TPM1: variants seen among roughly 807,000 people sequenced by gnomAD.
The protein encoded by TPM1 is tropomyosin 1.
Under a neutral mutation model 42.9 loss-of-function variants are expected in TPM1, and 24 were observed. That is an observed-to-expected ratio of 0.56 (90% CI 0.41 to 0.79). TPM1 has a LOEUF of 0.79. Among genes scored for constraint, TPM1 ranks in the 30% least tolerant of loss-of-function variants. TPM1 has a pLI of 0.00. For missense variants in TPM1, 158 were observed against 351.8 expected (o/e 0.45, Z 4.41); for synonymous variants, 136 against 130.1 (o/e 1.05, Z -0.31).
chr15:63,047,912 C>T, intron 2 of TPM1: 1 of 214,236 alleles, frequency 4.7e-6, no homozygotes, highest in Non-Finnish European at 9.5e-6. Flanking sequence ...GAGCCAGAGT[C>T]AACCTAGGAA....
rs1351763190 is a variant in TPM1 at position 63,048,401 on chromosome 15, T to C, written c.240+4249T>C. 5.2e-6 allele frequency: 7 copies of C among 1,355,350 alleles called. 1 individual carries two copies. In the South Asian group the frequency reaches 6.7e-5, roughly 13 times the overall value. The allele number at this position is 1,355,350 out of a possible 1,614,324, so 84.0% of individuals were successfully genotyped here. ...CGCCTGCGGTTTGTCTGCGCAGCCC[T>C]GGAGGCTGCGACTTCCGGACTGCTC... On this transcript the variant is annotated intron_variant, in intron 2 of 9. Transcript: ENST00000403994.
rs1595685590 is a variant in TPM1 at position 63,065,913 on chromosome 15, A to T, written c.*14A>T. The T allele has an allele frequency of 6.3e-7, 1 of 1,594,282 alleles. No individual in the cohort carries two copies. Among genetic ancestry groups the T allele is most frequent in the Non-Finnish European group, 8.5e-7 (1 of 1,176,028 alleles). ...TCACGCAGATAAGTTTCTTTGCTTC[A>T]CTTCTCCCAAGACTCCCTCGTCGAG... On this transcript the variant is annotated 3_prime_UTR_variant, in exon 10 of 10. Transcript: ENST00000403994.
At chr15:63,048,630 G>T in intron 2 of TPM1, 5 of 1,536,982 alleles carry the variant, frequency 3.3e-6, no homozygotes, top group Non-Finnish European at 4.4e-6. Flanking sequence ...GAGCCTGCAG[G>T]AGCAGGCGGA....
At chr15:63,043,243 A>C (rs2031568943) in intron 1 of TPM1, 2 of 514,834 alleles carry the variant, frequency 3.9e-6, no homozygotes, top group Non-Finnish European at 7.2e-6. Flanking sequence ...GGAGGAGGAC[A>C]CCCGGTTCCT....
chr15:63,058,311 A>G (rs915603407), intron 3 of TPM1, among the ~76,000 whole-genome samples: 2 of 152,168 alleles, frequency 1.3e-5, no homozygotes, highest in African/African-American at 4.8e-5. Flanking sequence ...TGAGAAAAGT[A>G]GGGCTCAGAG....
At chr15:63,043,535 C>T in intron 1 of TPM1, 3 of 1,091,890 alleles carry the variant, frequency 2.7e-6, no homozygotes, top group Admixed American at 2.0e-5. Flanking sequence ...GCGGGGTGAG[C>T]CGCGGAGCGG....
intron 2 of TPM1, among the ~76,000 whole-genome samples, chr15:63,054,985 A>C (rs1377172371): frequency 6.6e-5 from 10 of 152,062 alleles, no homozygotes; most frequent in Non-Finnish European, 1.2e-4. Flanking sequence ...TACCTGACCC[A>C]AAAGTATATC....
intron 9 of TPM1, chr15:63,065,661 T>C: frequency 2.0e-6 from 2 of 983,350 alleles, no homozygotes; most frequent in Non-Finnish European, 2.4e-6. Flanking sequence ...TTTTTTTGTT[T>C]TTAAATTCTG....
At chr15:63,043,030 C>G in intron 1 of TPM1, 87 bp downstream of exon 1, 1 of 1,221,762 alleles carries the variant, frequency 8.2e-7, no homozygotes, top group African/African-American at 1.5e-5. Flanking sequence ...CCCGAGGACT[C>G]GGGGAGCCAC....
At chr15:63,068,257 G>A (rs570688251), downstream of TPM1, among the ~76,000 whole-genome samples, 1 of 152,294 alleles carries the variant, frequency 6.6e-6, no homozygotes, top group Admixed American at 6.5e-5. Context: ...GCATCTGATG[G>A]GGAGATAGAG....
rs552212991 is a variant in TPM1 at position 63,042,958 on chromosome 15, G to T, written c.114+15G>T. The T allele has an allele frequency of 1.9e-6, 3 of 1,578,898 alleles. No individual in the cohort carries two copies. In the African/African-American group the frequency reaches 4.0e-5, roughly 21 times the overall value. ...GGAGCAAGCAGGTCTGCGCCTCCCC[G>T]GCCCTGCGCCCGCGCCCAGAGCGCC... On this transcript the variant is annotated intron_variant, in intron 1 of 9. Coordinates refer to ENST00000403994, the MANE Select transcript of TPM1 (RefSeq NM_001018005.2).
At chr15:63,066,882 C>A (rs138228379), downstream of TPM1, among the ~76,000 whole-genome samples, 1 of 121,982 alleles carries the variant, frequency 8.2e-6, no homozygotes, top group African/African-American at 3.1e-5. Flanking sequence ...TAAAATATAG[C>A]AATGAAAGTT....
chr15:63,062,161 C>T, intron 6 of TPM1, 54 bp from the exon 7 acceptor site: 1 of 1,528,922 alleles, frequency 6.5e-7, no homozygotes, highest in Non-Finnish European at 9.1e-7. Flanking sequence ...GCATGAGAAG[C>T]CATGAGTAGA....
In TPM1 at chr15:63,061,738, T is replaced by C. The variant is rs2140963629; in HGVS notation, c.589T>C (p.Leu197=). 7 of 1,614,132 alleles carry C rather than the reference T, an allele frequency of 4.3e-6. No individual in the cohort carries two copies. Among genetic ancestry groups the C allele is most frequent in the Non-Finnish European group, 5.1e-6 (6 of 1,180,010 alleles). ...CAAATGTGCCGAGCTTGAAGAAGAA[T>C]TGAAAACTGTGACGAACAACTTGAA... is the stretch of plus-strand genomic sequence containing the variant. ...EGKCAELEEE[L]KTVTNNLKSL... Residue 197 remains leucine, a synonymous_variant, in exon 6 of 10, where the codon TTG becomes CTG. Coordinates refer to ENST00000403994, the MANE Select transcript of TPM1 (RefSeq NM_001018005.2).
intron 9 of TPM1, chr15:63,065,059 C>T (rs867746621): frequency 1.4e-5 from 14 of 985,076 alleles, no homozygotes; most frequent in African/African-American, 7.0e-5. Context: ...AAAATACCCA[C>T]GATAAATATT....
chr15:63,066,318 A>T, downstream of TPM1: 1 of 575,048 alleles, frequency 1.7e-6, no homozygotes, highest in Non-Finnish European at 2.4e-6. Context: ...CAGAGTTCTG[A>T]TTTTCAAAGG....
At chr15:63,058,902 T>G (rs898360103) in intron 3 of TPM1, among the ~76,000 whole-genome samples, 1 of 152,154 alleles carries the variant, frequency 6.6e-6, no homozygotes, top group African/African-American at 2.4e-5. Flanking sequence ...ATACACTCAG[T>G]GTAGAGGACA....
chr15:63,045,032 GATTCC>G, intron 2 of TPM1: 1 of 152,132 alleles, frequency 6.6e-6, no homozygotes, highest in East Asian at 1.9e-4. Context: ...CACACCGTTG[GATTCC>G]ATTCTAAAAG....
intron 2 of TPM1, among the ~76,000 whole-genome samples, chr15:63,053,978 T>G (rs2034377636): frequency 1.3e-5 from 2 of 151,810 alleles, no homozygotes; most frequent in African/African-American, 4.8e-5. Flanking sequence ...AGCGCCCAGC[T>G]GAAAGTTTTT....
Sources: gnomAD v4.1 joint callset for allele counts (sites outside exome capture counted in the v4.1 genomes callset) on GRCh38, gnomAD v4.1.1 for gene constraint, MANE v1.5 for transcripts, NCBI Gene and HGNC (gene_info 2026-07-23, HGNC 2026-07-21) for gene names.